CACNA2D3: variants seen among roughly 807,000 people sequenced by gnomAD.
CACNA2D3 encodes calcium voltage-gated channel auxiliary subunit alpha2delta 3.
A neutral mutation model predicts 160.6 loss-of-function variants in CACNA2D3; 60 were observed. The ratio of observed to expected loss-of-function variants is 0.37; its 90% CI spans 0.30 to 0.46. The LOEUF is 0.46. CACNA2D3 is among the 20% of genes least tolerant of loss of function. The pLI is 1.00. For missense variants in CACNA2D3, 1,205 were observed against 1,365.0 expected (o/e 0.88, Z 1.85); for synonymous variants, 558 against 492.9 (o/e 1.13, Z -1.75).
At chr3:54,146,052 A>G (rs959983105) in intron 2 of CACNA2D3, among the ~76,000 whole-genome samples, 1 of 151,750 alleles carries the variant, frequency 6.6e-6, no homozygotes, top group South Asian at 2.1e-4. Context: ...AATTTCTATT[A>G]TGGTTGTTAT....
At chr3:54,994,781 C>T (rs531083431) in intron 31 of CACNA2D3, among the ~76,000 whole-genome samples, 120 of 152,326 alleles carry the variant, frequency 7.9e-4, no homozygotes, top group African/African-American at 2.7e-3. Context: ...TTGTCAAGCT[C>T]TCTCACAGGC....
chr3:54,900,356 C>T (rs1409659781), intron 27 of CACNA2D3, among the ~76,000 whole-genome samples: 1 of 152,150 alleles, frequency 6.6e-6, no homozygotes. Flanking sequence ...TGTTTGGGAC[C>T]AGGGGAAAGC....
At chr3:54,741,446 G>T (rs1701646435) in intron 11 of CACNA2D3, among the ~76,000 whole-genome samples, 1 of 152,136 alleles carries the variant, frequency 6.6e-6, no homozygotes, top group Admixed American at 6.5e-5. Flanking sequence ...AGTAAGGAAA[G>T]TGAGACTTAC....
At chr3:54,872,878 T>C (rs1225696837) in intron 18 of CACNA2D3, among the ~76,000 whole-genome samples, 1 of 152,170 alleles carries the variant, frequency 6.6e-6, no homozygotes, top group African/African-American at 2.4e-5. Flanking sequence ...TCGAGTTTTC[T>C]ATCTTCTTAT....
At chr3:55,009,493 G>C (rs766426036) in intron 34 of CACNA2D3, 50 bp downstream of exon 34, 19 of 1,502,432 alleles carry the variant, frequency 1.3e-5, no homozygotes, top group Non-Finnish European at 1.7e-5. Context: ...TAAGCGCTGG[G>C]TTCACTGGCT....
At chr3:54,523,640 G>A (rs1443102465) in intron 5 of CACNA2D3, among the ~76,000 whole-genome samples, 1 of 152,006 alleles carries the variant, frequency 6.6e-6, no homozygotes, top group Non-Finnish European at 1.5e-5. Flanking sequence ...CAGTGGCCCT[G>A]GCTTTTCTTT....
At chr3:54,994,405 A>G (rs929418839) in intron 31 of CACNA2D3, among the ~76,000 whole-genome samples, 4 of 152,164 alleles carry the variant, frequency 2.6e-5, no homozygotes, top group Admixed American at 6.5e-5. Flanking sequence ...TGACCTGACC[A>G]TGTCCTCAGA....
chr3:54,713,062 C>A (rs1442568078), intron 11 of CACNA2D3, among the ~76,000 whole-genome samples: 1 of 152,164 alleles, frequency 6.6e-6, no homozygotes, highest in African/African-American at 2.4e-5. Context: ...TGAGAAGACT[C>A]CTGTAATGGC....
rs576515103 is a variant in CACNA2D3, at chr3:54,631,607, C to T, written c.1053+3731C>T. ...GGAGCTTAGAATGGTTCAGAGGTTA[C>T]TATAATTGAATGGAGTTTATTCTGT... is the stretch of plus-strand genomic sequence containing the variant. On this transcript the variant is annotated intron_variant, in intron 10 of 37. Coordinates refer to ENST00000474759, the MANE Select transcript of CACNA2D3 (RefSeq NM_018398.3). Among the ~76,000 whole-genome samples the T allele has an allele frequency of 1.0e-3, 155 of 152,214 alleles. 1 individual carries two copies. The highest frequency in any genetic ancestry group is 1.7e-3 in the Non-Finnish European group (115 of 68,040).
chr3:54,538,098 AC>A (rs897322584), intron 5 of CACNA2D3, among the ~76,000 whole-genome samples: 14 of 152,064 alleles, frequency 9.2e-5, no homozygotes, highest in Admixed American at 8.5e-4. Context: ...CTGGTATCAA[AC>A]CTGCTGAGAA....
chr3:54,933,444 T>A (rs1287628054), intron 27 of CACNA2D3, among the ~76,000 whole-genome samples: 2 of 152,178 alleles, frequency 1.3e-5, no homozygotes, highest in African/African-American at 4.8e-5. Flanking sequence ...CTCAGAGCCC[T>A]CTCCATCAGT....
chr3:54,524,632 C>G (rs1299049087), intron 5 of CACNA2D3, among the ~76,000 whole-genome samples: 1 of 151,998 alleles, frequency 6.6e-6, no homozygotes, highest in African/African-American at 2.4e-5. Context: ...TTTTTCATCT[C>G]TGTCAGTTTT....
intron 27 of CACNA2D3, among the ~76,000 whole-genome samples, chr3:54,926,094 C>A (rs1701006459): frequency 6.6e-6 from 1 of 152,098 alleles, no homozygotes; most frequent in South Asian, 2.1e-4. Flanking sequence ...GATTCATGCC[C>A]AATTTCTATT....
intron 12 of CACNA2D3, among the ~76,000 whole-genome samples, chr3:54,763,998 A>C (rs1490478633): frequency 6.7e-6 from 1 of 150,062 alleles, no homozygotes; most frequent in Non-Finnish European, 1.5e-5. Context: ...ATTTTATTAC[A>C]TTTGCTTGAC....
At chr3:54,610,718 C>T (rs2106788325) in intron 9 of CACNA2D3, among the ~76,000 whole-genome samples, 1 of 152,216 alleles carries the variant, frequency 6.6e-6, no homozygotes, top group South Asian at 2.1e-4. Flanking sequence ...TAACCACCGC[C>T]TCCCAGATTC....
intron 11 of CACNA2D3, among the ~76,000 whole-genome samples, chr3:54,736,052 CATATGTATGTATATATAT>C (rs1391587828): frequency 0.011 from 510 of 47,156 alleles, 28 homozygotes; most frequent in Non-Finnish European, 0.016. Flanking sequence ...TATACACATA[CATATGTATGTATATATAT>C]ATACATATAT....
At chr3:54,179,511 A>G (rs1700741509) in intron 2 of CACNA2D3, among the ~76,000 whole-genome samples, 1 of 152,170 alleles carries the variant, frequency 6.6e-6, no homozygotes, top group African/African-American at 2.4e-5. Flanking sequence ...GTGGTGGAGG[A>G]AACGCGTAAT....
chr3:54,682,161 GCA>G (rs138753206), intron 11 of CACNA2D3, among the ~76,000 whole-genome samples: 21,634 of 144,442 alleles, frequency 0.15, 1,609 homozygotes, highest in South Asian at 0.28. Flanking sequence ...AAACAGAACA[GCA>G]CACACACACA....
At chr3:54,687,143 T>G (rs1223148117) in intron 11 of CACNA2D3, among the ~76,000 whole-genome samples, 15 of 70,584 alleles carry the variant, frequency 2.1e-4, no homozygotes, top group East Asian at 5.2e-4. Context: ...TTGTTTTTTT[T>G]TTTTTTTGTT....
Sources: gnomAD v4.1 joint callset for allele counts (sites outside exome capture counted in the v4.1 genomes callset) on GRCh38, gnomAD v4.1.1 for gene constraint, MANE v1.5 for transcripts, NCBI Gene and HGNC (gene_info 2026-07-23, HGNC 2026-07-21) for gene names.